Variants in TBCE observed in about 807,000 individuals in gnomAD.
The protein encoded by TBCE is tubulin-specific chaperone E.
TBCE carries 53 observed loss-of-function variants against 77.0 expected under a neutral mutation model. The observed-to-expected ratio is 0.69, with a 90% CI of 0.55 to 0.87. TBCE has a LOEUF of 0.87. Ranked by LOEUF, TBCE falls within the 40% of genes least tolerant of loss-of-function variation. The probability of loss-of-function intolerance (pLI) is 0.00; values close to 1 mark genes in which losing one functional copy is unlikely to be tolerated. For synonymous variants in TBCE, 235 were observed against 241.3 expected (o/e 0.97, Z 0.24); for missense variants, 624 against 622.4 (o/e 1.00, Z -0.03).
At position 235,440,917 on chromosome 1, in the gene TBCE, T is replaced by C. The variant is rs1318174754; in HGVS notation, c.1271-897T>C. On this transcript the variant is annotated intron_variant, in intron 13 of 16. Coordinates refer to ENST00000642610, the MANE Select transcript of TBCE (RefSeq NM_003193.5). ...TACTTTCCATTTTGTTTTGATGACA[T>C]TATTACTCCACATTTCGCTTTTATG... The C allele has an allele frequency of 2.0e-5, 3 of 152,240 alleles. No individual in the cohort carries two copies. The East Asian group carries it at 5.8e-4, about 29-fold the overall frequency. The allele number at this position is 152,240 out of a possible 1,614,324, so 9.4% of individuals were successfully genotyped here.
At chr1:235,390,656 G>C (rs1678324501) in intron 2 of TBCE, among the ~76,000 whole-genome samples, 2 of 151,888 alleles carry the variant, frequency 1.3e-5, no homozygotes, top group African/African-American at 4.8e-5. Context: ...AGCTACTTGG[G>C]AGGCTGAGGC....
intron 1 of TBCE, among the ~76,000 whole-genome samples, chr1:235,373,740 C>G (rs964235634): frequency 1.3e-5 from 2 of 151,316 alleles, no homozygotes; most frequent in Admixed American, 6.6e-5. Context: ...GCTCCGCCTC[C>G]CGGGTTCACG....
chr1:235,410,993 G>A (rs1679753289), intron 3 of TBCE, among the ~76,000 whole-genome samples: 1 of 152,152 alleles, frequency 6.6e-6, no homozygotes, highest in Admixed American at 6.6e-5. Flanking sequence ...TATAATCACA[G>A]CAATATATTC....
intron 2 of TBCE, among the ~76,000 whole-genome samples, chr1:235,391,600 CTTTTTTTT>C (rs58265980): frequency 2.0e-4 from 17 of 85,392 alleles, no homozygotes; most frequent in African/African-American, 4.5e-4. Context: ...GCTTCATTTC[CTTTTTTTT>C]TTTTTTTTTT....
intron 13 of TBCE, among the ~76,000 whole-genome samples, chr1:235,440,037 C>G (rs1039995986): frequency 6.6e-6 from 1 of 152,130 alleles, no homozygotes; most frequent in African/African-American, 2.4e-5. Flanking sequence ...GTGCCGCGAT[C>G]TCCGCTCACT....
chr1:235,415,142 A>T (rs778233436), intron 4 of TBCE: 21 of 160,452 alleles, frequency 1.3e-4, no homozygotes, highest in Non-Finnish European at 8.2e-5. Flanking sequence ...AATGCATTTT[A>T]TTGTATTGTA....
intron 3 of TBCE, among the ~76,000 whole-genome samples, chr1:235,412,285 C>T (rs1212185136): frequency 1.3e-4 from 12 of 92,020 alleles, no homozygotes; most frequent in East Asian, 6.1e-4. Flanking sequence ...GGCTAGAGTG[C>T]AATGATGTGA....
intron 4 of TBCE, 190 bp downstream of exon 4, chr1:235,414,808 G>A (rs1034253562): frequency 8.2e-6 from 5 of 608,686 alleles, no homozygotes; most frequent in Non-Finnish European, 1.4e-5. Flanking sequence ...TGTTAGCACA[G>A]GATTGGTAGA....
At chr1:235,372,276 T>C (rs1392825426) in intron 1 of TBCE, among the ~76,000 whole-genome samples, 1 of 152,168 alleles carries the variant, frequency 6.6e-6, no homozygotes, top group Non-Finnish European at 1.5e-5. Flanking sequence ...AAGGCTGCTC[T>C]GGAACTCCTG....
intron 6 of TBCE, among the ~76,000 whole-genome samples, chr1:235,428,939 C>G (rs1330289333): frequency 7.5e-5 from 11 of 146,270 alleles, no homozygotes; most frequent in Non-Finnish European, 1.6e-4. Context: ...CTGTGCCCAG[C>G]CTTATGTATG....
At chr1:235,399,359 CTT>C (rs1472396747) in intron 2 of TBCE, among the ~76,000 whole-genome samples, 1 of 152,170 alleles carries the variant, frequency 6.6e-6, no homozygotes, top group African/African-American at 2.4e-5. Context: ...TCCCATACCT[CTT>C]GTTACAGTCT....
At chr1:235,441,573 CA>C (rs1382315641) in intron 13 of TBCE, 15 of 541,820 alleles carry the variant, frequency 2.8e-5, no homozygotes, top group Non-Finnish European at 5.0e-5. Flanking sequence ...TTTCACTGGT[CA>C]TTAACAATGA....
intron 5 of TBCE, among the ~76,000 whole-genome samples, chr1:235,422,338 C>T (rs1374225512): frequency 6.6e-6 from 1 of 151,728 alleles, no homozygotes; most frequent in South Asian, 2.1e-4. Flanking sequence ...ATGGTGAAAC[C>T]TTGTCTGTAC....
chr1:235,447,671 A>G (rs1156494305), intron 15 of TBCE, among the ~76,000 whole-genome samples: 1 of 152,218 alleles, frequency 6.6e-6, no homozygotes, highest in East Asian at 1.9e-4. Context: ...AGTAATTCAT[A>G]AGGAAGTCAT....
In TBCE at chr1:235,373,843, G is replaced by A. The variant is rs1363439960; in HGVS notation, c.-31-6176G>A. On this transcript the variant is annotated intron_variant, in intron 1 of 16. Transcript: ENST00000642610. ...TTTTTGTATTTTTAGTAGAGACGGTGTTTCACCGTGTTAGCCAGGATGGTC... is the reference window on the plus strand; with the variant it reads ...TTTTTGTATTTTTAGTAGAGACGGTATTTCACCGTGTTAGCCAGGATGGTC... Among the ~76,000 whole-genome samples the A allele has an allele frequency of 7.0e-4, 101 of 145,210 alleles. 11 individuals carry two copies. The highest frequency in any genetic ancestry group is 2.4e-3 in the African/African-American group (91 of 37,688).
At position 235,437,389 on chromosome 1, in the gene TBCE, T is replaced by C; in HGVS notation, c.1031T>C (p.Leu344Pro). The C allele has an allele frequency of 1.2e-6, 2 of 1,613,952 alleles. No homozygotes were observed. The highest frequency in any genetic ancestry group is 2.2e-5 in the South Asian group (2 of 91,054). ...LRALSCLRNP[L>P]TKEDKEAETA... Reference sequence around the variant, plus strand: ...GCTTTGTCCTGCCTAAGAAACCCCCTGACCAAAGAGGACAAAGAAGCAGAG... The same window carrying C: ...GCTTTGTCCTGCCTAAGAAACCCCCCGACCAAAGAGGACAAAGAAGCAGAG... Residue 344 changes from leucine to proline, a missense_variant, in exon 12 of 17, where the codon CTG becomes CCG. By Grantham distance (98) the Leu-to-Pro change is moderately conservative. Coordinates refer to ENST00000642610, the MANE Select transcript of TBCE (RefSeq NM_003193.5).
chr1:235,441,698 C>T (rs1681887270), intron 13 of TBCE, 116 bp from the exon 14 acceptor site: 1 of 918,412 alleles, frequency 1.1e-6, no homozygotes, highest in Non-Finnish European at 1.7e-6. Flanking sequence ...CTCCATGTGT[C>T]CTGGGAAAGG....
intron 2 of TBCE, among the ~76,000 whole-genome samples, chr1:235,392,976 T>C (rs1458023550): frequency 1.3e-5 from 2 of 151,892 alleles, no homozygotes; most frequent in Non-Finnish European, 2.9e-5. Flanking sequence ...TAATCCAGCC[T>C]GGGCAACAGA....
intron 2 of TBCE, among the ~76,000 whole-genome samples, chr1:235,395,574 T>TCGCTCTGTCGCCCAGGCTGGAGTGC (rs543994619): frequency 1.1e-3 from 164 of 149,566 alleles, no homozygotes; most frequent in African/African-American, 4.0e-3. Flanking sequence ...AGGTGGAGTC[T>TCGCTCTGTCGCCCAGGCTGGAGTGC]CGCTCTGTCG....
Sources: gnomAD v4.1 joint callset for allele counts (sites outside exome capture counted in the v4.1 genomes callset) on GRCh38, gnomAD v4.1.1 for gene constraint, MANE v1.5 for transcripts, NCBI Gene and HGNC (gene_info 2026-07-23, HGNC 2026-07-21) for gene names.